Variants in TRIP11 observed in about 807,000 individuals in gnomAD.
TRIP11 encodes thyroid hormone receptor interactor 11.
In TRIP11, 148 loss-of-function variants were observed where a neutral mutation model predicts 223.1. The ratio of observed to expected loss-of-function variants is 0.66; its 90% CI spans 0.58 to 0.76. The LOEUF (loss-of-function observed/expected upper bound fraction) is 0.76. Ranked by LOEUF, TRIP11 falls within the 30% of genes least tolerant of loss-of-function variation. TRIP11 has a pLI of 0.00. For synonymous variants in TRIP11, 762 were observed against 772.6 expected (o/e 0.99, Z 0.23); for missense variants, 2,043 against 2,222.0 (o/e 0.92, Z 1.62).
At chr14:91,995,730 C>T (rs1327671440) in intron 13 of TRIP11, among the ~76,000 whole-genome samples, 1 of 151,924 alleles carries the variant, frequency 6.6e-6, no homozygotes, top group Non-Finnish European at 1.5e-5. Context: ...ATTCTCCTGC[C>T]TCAGCCTCCT....
Position 92,004,124 on chromosome 14 carries a change from A to C in TRIP11, c.3852T>G (p.Phe1284Leu), listed in dbSNP as rs748519926. 2.3e-5 allele frequency: 37 copies of C among 1,614,084 alleles called. No homozygotes were observed. The highest frequency in any genetic ancestry group is 4.5e-5 in the East Asian group (2 of 44,900). The stretch of plus-strand genomic sequence containing the variant: ...GCTGAACTTGTGCTAATTCCTGCCC[A>C]AAATTTTTGAGTTTGGTTTCATTCT... ...YEQNETKLKN[F>L]GQELAQVQHS... Residue 1284 changes from phenylalanine to leucine, a missense_variant, in exon 11 of 21, where the codon TTT becomes TTG. Coordinates refer to ENST00000267622, the MANE Select transcript of TRIP11 (RefSeq NM_004239.4).
intron 11 of TRIP11, 101 bp downstream of exon 11, chr14:92,003,318 C>A: frequency 1.4e-6 from 2 of 1,474,748 alleles, no homozygotes; most frequent in Non-Finnish European, 1.8e-6. Context: ...TCTAAATGAA[C>A]AAATGCACAG....
intron 14 of TRIP11, among the ~76,000 whole-genome samples, chr14:91,994,261 T>A (rs1447086582): frequency 1.4e-5 from 2 of 144,224 alleles, no homozygotes; most frequent in South Asian, 4.6e-4. Flanking sequence ...TCAAAAACTT[T>A]TTTTTTTTTT....
chr14:91,975,246 G>C lies in TRIP11; in HGVS notation c.5383C>G (p.Pro1795Ala). ...AACACTTCATGACGCTGATTTTTCGGTGTGTGGAAATGACCAATGAAGAGG... is the reference window on the plus strand; with the variant it reads ...AACACTTCATGACGCTGATTTTTCGCTGTGTGGAAATGACCAATGAAGAGG... ...RNLFIGHFHT[P>A]KNQRHEVLRL... The change falls in exon 18 of 21, where the codon CCG becomes GCG. Residue 1795 changes from proline to alanine, a missense_variant. Physicochemically the swap from Pro to Ala is conservative, Grantham distance 27 (BLOSUM62 -1). Transcript: ENST00000267622. The C allele has an allele frequency of 6.2e-7, 1 of 1,613,700 alleles. No individual in the cohort carries two copies. The highest frequency in any genetic ancestry group is 8.5e-7 in the Non-Finnish European group (1 of 1,179,768).
Position 91,967,134 on chromosome 14 carries a change from G to GTTTTTTTTTTTTTTTTTT in TRIP11, c.*2538_*2539insAAAAAAAAAAAAAAAAAA, listed in dbSNP as rs2056348888. 1 of 113,828 alleles carries GTTTTTTTTTTTTTTTTTT rather than the reference G, an allele frequency of 8.8e-6. No individual in the cohort carries two copies. Among genetic ancestry groups the GTTTTTTTTTTTTTTTTTT allele is most frequent in the African/African-American group, 4.8e-5 (1 of 20,828 alleles). The allele number at this position is 113,828 out of a possible 1,614,324, so 7.1% of individuals were successfully genotyped here. On this transcript the variant is annotated 3_prime_UTR_variant, in exon 21 of 21. Transcript: ENST00000267622. ...CACAATGAAAACATTAGGTACTATA[G>GTTTTTTTTTTTTTTTTTT]CTTTTTTTTTTTTTTTTTTTTTTTT...
chr14:92,033,323 G>A (rs1348357126), intron 1 of TRIP11, 70 bp from the exon 2 acceptor site: 6 of 1,209,344 alleles, frequency 5.0e-6, no homozygotes, highest in African/African-American at 1.5e-5. Context: ...GTATTTTCAA[G>A]AAAATATATT....
intron 6 of TRIP11, 70 bp downstream of exon 6, chr14:92,015,626 C>T: frequency 1.5e-6 from 2 of 1,376,116 alleles, no homozygotes; most frequent in Non-Finnish European, 2.0e-6. Context: ...CCAGTGCACT[C>T]CAGCCTGGGC....
chr14:92,035,648 G>C (rs2057317801), intron 1 of TRIP11, among the ~76,000 whole-genome samples: 1 of 150,380 alleles, frequency 6.6e-6, no homozygotes, highest in African/African-American at 2.5e-5. Flanking sequence ...CACAATCTCA[G>C]CTCGCTGCAA....
chr14:91,988,426 T>C (rs762814880), intron 15 of TRIP11, 43 bp from the exon 16 acceptor site: 1 of 1,533,476 alleles, frequency 6.5e-7, no homozygotes, highest in African/African-American at 1.4e-5. Flanking sequence ...GCAAAAATTA[T>C]TTCACAAACT....
Position 92,011,791 on chromosome 14 carries a change from G to A in TRIP11, c.1191C>T (p.Ala397=), listed in dbSNP as rs886044239. 8.1e-6 allele frequency: 13 copies of A among 1,610,964 alleles called. No homozygotes were observed. Among genetic ancestry groups the A allele is most frequent in the East Asian group, 2.2e-5 (1 of 44,706 alleles). The change falls in exon 8 of 21, where the codon GCC becomes GCT. Residue 397 remains alanine, a synonymous_variant. Transcript: ENST00000267622. ...VFRLQQALSD[A]ENEIMRLSSL... is the part of the protein sequence containing the mutation. ...TACTCAATCTCATTATTTCATTTTC[G>A]GCATCTGTAAAAACAGCAAATGAAC...
intron 16 of TRIP11, among the ~76,000 whole-genome samples, chr14:91,979,257 C>CA (rs558337126): frequency 0.13 from 13,272 of 102,644 alleles, 904 homozygotes; most frequent in African/African-American, 0.21. Flanking sequence ...ACCCTGTCTC[C>CA]AAAAAAAAAA....
chr14:92,002,295 C>T (rs538624597), intron 11 of TRIP11, among the ~76,000 whole-genome samples: 4 of 152,282 alleles, frequency 2.6e-5, no homozygotes, highest in African/African-American at 9.6e-5. Flanking sequence ...AAGCTACTGG[C>T]ACTATCCATA....
intron 5 of TRIP11, among the ~76,000 whole-genome samples, chr14:92,017,070 C>A (rs768139434): frequency 1.5e-4 from 23 of 151,956 alleles, no homozygotes; most frequent in Admixed American, 2.6e-4. Context: ...TAACTCTAAA[C>A]CTTGAAACTT....
At chr14:92,010,510 A>C (rs1045159594) in intron 9 of TRIP11, among the ~76,000 whole-genome samples, 3 of 152,152 alleles carry the variant, frequency 2.0e-5, no homozygotes, top group African/African-American at 7.2e-5. Flanking sequence ...AGCCTGGGCA[A>C]CAAGAGCGAA....
Position 92,032,402 on chromosome 14 carries a change from C to T in TRIP11, c.201+790G>A, listed in dbSNP as rs922270244. 3.3e-5 allele frequency among the ~76,000 whole-genome samples: 5 copies of T among 152,092 alleles called. No individual in the cohort carries two copies. In the East Asian group the frequency reaches 9.7e-4, roughly 29 times the overall value. On this transcript the variant is annotated intron_variant, in intron 2 of 20. Coordinates refer to ENST00000267622, the MANE Select transcript of TRIP11 (RefSeq NM_004239.4). ...CTGATCTCAAGTGATCCACCCACCT[C>T]GGCTTCCCAAAGTGCTCAGATTACA...
intron 19 of TRIP11, among the ~76,000 whole-genome samples, chr14:91,973,656 T>C (rs898207479): frequency 5.3e-5 from 8 of 152,146 alleles, no homozygotes; most frequent in Non-Finnish European, 7.3e-5. Context: ...TTAAATTTTA[T>C]GCCAGCCAAG....
rs183344874 is a variant in TRIP11 at position 92,026,332 on chromosome 14, A to G, written c.202-912T>C. Among the ~76,000 whole-genome samples the G allele has an allele frequency of 2.6e-5, 4 of 152,368 alleles. No homozygotes were observed. In the East Asian group the frequency reaches 7.7e-4, roughly 29 times the overall value. On this transcript the variant is annotated intron_variant, in intron 2 of 20. Transcript: ENST00000267622. ...TAAGATGTTGAAAAACATGAAAAAA[A>G]TTACTCAAATTGTATGTACCTAAAT...
chr14:91,975,455 CA>C (rs1404539160), intron 17 of TRIP11, among the ~76,000 whole-genome samples, 169 bp from the exon 18 acceptor site: 2 of 151,372 alleles, frequency 1.3e-5, no homozygotes, highest in African/African-American at 2.4e-5. Context: ...TCTAATATTT[CA>C]AAAAAAATAA....
chr14:91,972,010 T>C (rs1349717866), intron 20 of TRIP11, among the ~76,000 whole-genome samples: 1 of 152,220 alleles, frequency 6.6e-6, no homozygotes, highest in Non-Finnish European at 1.5e-5. Context: ...AGAAGAGCTC[T>C]TCCAATAAAG....
Sources: gnomAD v4.1 joint callset for allele counts (sites outside exome capture counted in the v4.1 genomes callset) on GRCh38, gnomAD v4.1.1 for gene constraint, MANE v1.5 for transcripts, NCBI Gene and HGNC (gene_info 2026-07-23, HGNC 2026-07-21) for gene names.